ALG14: variants seen among roughly 807,000 people sequenced by gnomAD.
ALG14 encodes UDP-N-acetylglucosamine transferase subunit ALG14.
Under a neutral mutation model 22.8 loss-of-function variants are expected in ALG14, and 17 were observed. The observed-to-expected ratio is 0.75, with a 90% CI of 0.51 to 1.12. ALG14 has a LOEUF of 1.12. Among genes scored for constraint, ALG14 ranks in the 50% most tolerant of loss-of-function variants. The probability of loss-of-function intolerance (pLI) is 0.00; values close to 1 mark genes in which losing one functional copy is unlikely to be tolerated. For missense variants in ALG14, 288 were observed against 271.8 expected (o/e 1.06, Z -0.42); for synonymous variants, 89 against 103.7 (o/e 0.86, Z 0.86).
intron 3 of ALG14, among the ~76,000 whole-genome samples, chr1:95,000,333 C>G (rs1673028885): frequency 6.6e-6 from 1 of 151,562 alleles, no homozygotes. Flanking sequence ...CCCAGGAGTT[C>G]AAGATCAGCC....
At position 95,072,942 on chromosome 1, in the gene ALG14, T is replaced by C. The variant is rs771133335; in HGVS notation, c.-44A>G. On this transcript the variant is annotated 5_prime_UTR_variant, in exon 1 of 4. Transcript: ENST00000370205. ...CGTCCAACTTCCGGGGACCAGCCGC[T>C]GTCAAAGTTCACAACTACGGGTGCC... The C allele has an allele frequency of 4.3e-6, 7 of 1,610,896 alleles. No homozygotes were observed.
At position 94,975,346 on chromosome 1, in the gene ALG14, G is replaced by T. The variant is rs528369662; in HGVS notation, c.*7730C>A. ...TAGTACTTCATTCCTTTGTGTGATC[G>T]AGTAATATTCCACTATATGGATATA... On this transcript the variant is annotated 3_prime_UTR_variant, in exon 4 of 4. Coordinates refer to ENST00000370205, the MANE Select transcript of ALG14 (RefSeq NM_144988.4). 6.6e-6 allele frequency: 1 copy of T among 152,264 alleles called. No individual in the cohort carries two copies. The highest frequency in any genetic ancestry group is 1.5e-5 in the Non-Finnish European group (1 of 68,010). 9.4% of individuals were successfully genotyped at this position (152,264 alleles called of 1,614,324 possible). A position where few individuals can be genotyped will look rare whatever the true frequency, so the allele number is the denominator to read the frequency against.
At chr1:95,026,463 TG>T (rs1248973328) in intron 3 of ALG14, among the ~76,000 whole-genome samples, 1 of 33,810 alleles carries the variant, frequency 3.0e-5, no homozygotes, top group Admixed American at 2.7e-4. Context: ...GCCCAAGGAA[TG>T]TGTGTGTGTG....
At chr1:95,047,221 T>C (rs758634176) in intron 2 of ALG14, among the ~76,000 whole-genome samples, 7 of 152,182 alleles carry the variant, frequency 4.6e-5, no homozygotes, top group Admixed American at 2.6e-4. Context: ...CTTTGTTATA[T>C]GTATACATGT....
chr1:94,977,580 A>G lies in ALG14; in HGVS notation c.*5496T>C. The stretch of plus-strand genomic sequence containing the variant: ...GTCCTTTTATATTCTTGCGTTTAAA[A>G]TTTTTGTCTAGTTTCTACAATGGTA... On this transcript the variant is annotated 3_prime_UTR_variant, in exon 4 of 4. Transcript: ENST00000370205. The G allele has an allele frequency of 6.6e-6, 1 of 152,152 alleles. No homozygotes were observed. The allele number at this position is 152,152 out of a possible 1,614,324, so 9.4% of individuals were successfully genotyped here.
At chr1:95,054,952 A>C (rs1571661838) in intron 2 of ALG14, among the ~76,000 whole-genome samples, 2 of 152,246 alleles carry the variant, frequency 1.3e-5, no homozygotes, top group African/African-American at 4.8e-5. Context: ...GTATTAAAAT[A>C]TAACACACCA....
At chr1:95,065,119 G>A (rs910413063) in intron 1 of ALG14, 102 bp from the exon 2 acceptor site, 7 of 1,007,376 alleles carry the variant, frequency 6.9e-6, no homozygotes, top group Non-Finnish European at 9.7e-6. Context: ...GGGGTGGGGG[G>A]GCACTGTAAT....
intron 2 of ALG14, among the ~76,000 whole-genome samples, chr1:95,060,599 C>T (rs1467584103): frequency 4.0e-5 from 6 of 151,700 alleles, no homozygotes; most frequent in Non-Finnish European, 7.4e-5. Flanking sequence ...ACCTGTACTC[C>T]CAGCTACTCA....
At chr1:95,056,500 C>T (rs1294744713) in intron 2 of ALG14, among the ~76,000 whole-genome samples, 5 of 151,676 alleles carry the variant, frequency 3.3e-5, no homozygotes, top group African/African-American at 1.2e-4. Context: ...CAAAAATTAG[C>T]CAGGTGTGGT....
chr1:95,051,636 A>G (rs553187412), intron 2 of ALG14, among the ~76,000 whole-genome samples: 1 of 152,300 alleles, frequency 6.6e-6, no homozygotes, highest in East Asian at 1.9e-4. Context: ...TCCTTACCTT[A>G]ACCTCTATGA....
intron 3 of ALG14, among the ~76,000 whole-genome samples, chr1:95,016,225 G>T (rs1245315053): frequency 6.6e-6 from 1 of 152,096 alleles, no homozygotes; most frequent in African/African-American, 2.4e-5. Context: ...CTCATTTGTT[G>T]TGTGGTCAGA....
intron 2 of ALG14, among the ~76,000 whole-genome samples, chr1:95,052,813 C>T (rs946589988): frequency 4.0e-5 from 6 of 149,022 alleles, no homozygotes; most frequent in Non-Finnish European, 5.9e-5. Flanking sequence ...GACAAGATCG[C>T]ACCACTGCAC....
intron 2 of ALG14, among the ~76,000 whole-genome samples, chr1:95,052,271 G>A (rs555531388): frequency 2.0e-5 from 3 of 151,956 alleles, no homozygotes; most frequent in African/African-American, 7.2e-5. Flanking sequence ...AAGAAGCAAG[G>A]GTAAGAAAGA....
At chr1:95,020,618 A>G (rs1359144683) in intron 3 of ALG14, among the ~76,000 whole-genome samples, 4 of 151,712 alleles carry the variant, frequency 2.6e-5, no homozygotes. Flanking sequence ...CACGCCTGTA[A>G]TCCCAGCTAC....
intron 3 of ALG14, among the ~76,000 whole-genome samples, chr1:95,000,428 C>G (rs1166317507): frequency 1.3e-5 from 2 of 148,478 alleles, no homozygotes. Context: ...CAGCTACACT[C>G]AGGAGGCTGA....
chr1:94,990,718 A>G (rs1001522772), intron 3 of ALG14, among the ~76,000 whole-genome samples: 1 of 152,284 alleles, frequency 6.6e-6, no homozygotes, highest in Non-Finnish European at 1.5e-5. Flanking sequence ...TAAGCAAGTT[A>G]TAAATTGTTT....
chr1:95,035,773 A>C (rs1407323162), intron 2 of ALG14: 1 of 152,218 alleles, frequency 6.6e-6, no homozygotes, highest in African/African-American at 2.4e-5. Flanking sequence ...TGGCATCATA[A>C]ACCACAACAG....
At chr1:94,985,250 C>CT (rs1672613140) in intron 3 of ALG14, among the ~76,000 whole-genome samples, 1 of 152,152 alleles carries the variant, frequency 6.6e-6, no homozygotes, top group Admixed American at 6.5e-5. Context: ...TGCTCTGAAT[C>CT]TTTTCAATGT....
At chr1:95,064,064 ATGAT>A (rs1336054364) in intron 2 of ALG14, among the ~76,000 whole-genome samples, 1 of 152,126 alleles carries the variant, frequency 6.6e-6, no homozygotes, top group Non-Finnish European at 1.5e-5. Flanking sequence ...GAGTTCATTC[ATGAT>A]TTGGGTTTCG....
Sources: gnomAD v4.1 joint callset for allele counts (sites outside exome capture counted in the v4.1 genomes callset) on GRCh38, gnomAD v4.1.1 for gene constraint, MANE v1.5 for transcripts, NCBI Gene and HGNC (gene_info 2026-07-23, HGNC 2026-07-21) for gene names.